The following SI variants were observed in gnomAD, a reference collection of about 807,000 sequenced individuals.
SI encodes the protein sucrase-isomaltase, intestinal.
Under a neutral mutation model 253.3 loss-of-function variants are expected in SI, and 235 were observed. That is an observed-to-expected ratio of 0.93 (90% CI 0.83 to 1.03). The LOEUF (loss-of-function observed/expected upper bound fraction) is 1.03. Ranked by LOEUF, SI falls within the 50% of genes least tolerant of loss-of-function variation. SI has a pLI of 0.00. For missense variants in SI, 2,442 were observed against 2,211.1 expected (o/e 1.10, Z -2.09); for synonymous variants, 819 against 712.0 (o/e 1.15, Z -2.39).
At chr3:165,057,493 C>T (rs1713753142) in intron 12 of SI, among the ~76,000 whole-genome samples, 1 of 151,866 alleles carries the variant, frequency 6.6e-6, no homozygotes, top group African/African-American at 2.4e-5. Flanking sequence ...AGATATAGAA[C>T]ACCAAGCAGA....
intron 15 of SI, among the ~76,000 whole-genome samples, chr3:165,048,567 G>GTGTA (rs1344341326): frequency 8.1e-6 from 1 of 123,848 alleles, no homozygotes; most frequent in African/African-American, 3.0e-5. Context: ...ATATATATAT[G>GTGTA]TATATATATA....
At chr3:164,989,752 TA>T (rs1717641589) in intron 44 of SI, among the ~76,000 whole-genome samples, 1 of 152,256 alleles carries the variant, frequency 6.6e-6, no homozygotes, top group East Asian at 1.9e-4. Context: ...TATTCAGTGC[TA>T]AAAAGAAATG....
chr3:165,024,862 A>T (rs1711821427), intron 25 of SI, among the ~76,000 whole-genome samples: 1 of 151,140 alleles, frequency 6.6e-6, no homozygotes. Context: ...ACTCACTCTA[A>T]CTAGGCTTTT....
At chr3:164,986,886 T>A (rs1173732108) in intron 45 of SI, among the ~76,000 whole-genome samples, 1 of 152,198 alleles carries the variant, frequency 6.6e-6, no homozygotes, top group African/African-American at 2.4e-5. Context: ...AGATACATAA[T>A]TCTGCCCACA....
At chr3:165,005,053 C>T (rs1718438302) in intron 37 of SI, among the ~76,000 whole-genome samples, 1 of 152,108 alleles carries the variant, frequency 6.6e-6, no homozygotes, top group Non-Finnish European at 1.5e-5. Flanking sequence ...TAAGATGCAC[C>T]TTGCTTCTCC....
chr3:165,065,858 A>C (rs1190550396), intron 6 of SI, among the ~76,000 whole-genome samples: 1 of 151,806 alleles, frequency 6.6e-6, no homozygotes, highest in South Asian at 2.1e-4. Context: ...CACACTTAAA[A>C]ATTAAGTTTG....
chr3:164,998,504 C>A, intron 38 of SI, 36 bp downstream of exon 38: 2 of 1,608,050 alleles, frequency 1.2e-6, no homozygotes, highest in African/African-American at 1.3e-5. Flanking sequence ...TAATAGAAAA[C>A]ACAAAATAAT....
chr3:165,006,055 G>A (rs1045546305), intron 37 of SI, among the ~76,000 whole-genome samples: 2 of 152,112 alleles, frequency 1.3e-5, no homozygotes, highest in African/African-American at 4.8e-5. Flanking sequence ...ATTAATATTT[G>A]AGAAGTTCAT....
intron 45 of SI, among the ~76,000 whole-genome samples, chr3:164,985,989 C>A (rs1438866869): frequency 6.6e-6 from 1 of 151,906 alleles, no homozygotes; most frequent in African/African-American, 2.4e-5. Flanking sequence ...AAGCCTAGAT[C>A]TAAATTAAAA....
chr3:165,023,833 C>T, intron 25 of SI, 57 bp from the exon 26 acceptor site: 1 of 1,249,818 alleles, frequency 8.0e-7, no homozygotes, highest in Non-Finnish European at 1.2e-6. Flanking sequence ...ATATTTTACT[C>T]TTTAAAATTA....
intron 43 of SI, 55 bp from the exon 44 acceptor site, chr3:164,991,532 A>AAC (rs1473987527): frequency 7.6e-6 from 12 of 1,581,318 alleles, no homozygotes; most frequent in Non-Finnish European, 1.0e-5. Flanking sequence ...AATCATCAGC[A>AAC]ACACTGGTAG....
At chr3:165,057,262 G>A (rs1713741837) in intron 12 of SI, among the ~76,000 whole-genome samples, 1 of 151,714 alleles carries the variant, frequency 6.6e-6, no homozygotes, top group African/African-American at 2.4e-5. Flanking sequence ...TAGTGAGCTT[G>A]AAGACAAGCT....
In SI at chr3:165,019,711, C is replaced by A. The variant is rs763490929; in HGVS notation, c.3314G>T (p.Arg1105Leu). Residue 1105 changes from arginine to leucine, a missense_variant, in exon 28 of 48, where the codon CGC becomes CTC. Arg to Leu is a moderately radical substitution (Grantham distance 102). Coordinates refer to ENST00000264382, the MANE Select transcript of SI (RefSeq NM_001041.4). ...FNDQFIQIST[R>L]LPSEYIYGFG... ...ACCATATATATATTCTGATGGCAGG[C>A]GAGTCGATATTTGAATGAACTGGTC... 2.5e-6 allele frequency: 4 copies of A among 1,612,402 alleles called. No individual in the cohort carries two copies. The highest frequency in any genetic ancestry group is 3.4e-6 in the Non-Finnish European group (4 of 1,178,928).
chr3:165,019,879 C>T (rs1719225664), intron 27 of SI, 109 bp from the exon 28 acceptor site: 2 of 1,009,438 alleles, frequency 2.0e-6, no homozygotes, highest in Non-Finnish European at 1.5e-6. Flanking sequence ...ATATTATTTT[C>T]CATATTCCTA....
Position 164,982,984 on chromosome 3 carries a change from A to G in SI, c.5247+18T>C, listed in dbSNP as rs757525803. On this transcript the variant is annotated intron_variant, in intron 46 of 47. Transcript: ENST00000264382. ...CAAATATTCCTTAACAGAATTGCATATAAATAATCTTACATACCTGGTTTA... is the reference window on the plus strand; with the variant it reads ...CAAATATTCCTTAACAGAATTGCATGTAAATAATCTTACATACCTGGTTTA... The G allele has an allele frequency of 1.3e-6, 2 of 1,551,932 alleles. No individual in the cohort carries two copies. Among genetic ancestry groups the G allele is most frequent in the Admixed American group, 1.7e-5 (1 of 57,860 alleles).
chr3:164,998,644 CCT>C lies in SI; in HGVS notation c.4434_4435del (p.Gly1479AspfsTer11). On this transcript the variant is annotated frameshift_variant, in exon 38 of 48. Coordinates refer to ENST00000264382, the MANE Select transcript of SI (RefSeq NM_001041.4). LOFTEE classifies it high-confidence loss of function. ...ATACGTGGAACGAGAAATTACAATC[CCT>C]CTTTTTCCAGTTGTCTTCTGCAATG... is the stretch of plus-strand genomic sequence containing the variant. 1 of 1,611,490 alleles carries C rather than the reference CCT, an allele frequency of 6.2e-7. No individual in the cohort carries two copies. The highest frequency in any genetic ancestry group is 1.7e-5 in the Admixed American group (1 of 59,740).
intron 25 of SI, 124 bp from the exon 26 acceptor site, chr3:165,023,900 A>G (rs1711764155): frequency 1.4e-6 from 1 of 735,118 alleles, no homozygotes; most frequent in Non-Finnish European, 2.4e-6. Flanking sequence ...ACAAAAATGA[A>G]ATAACAGTTA....
At chr3:165,009,089 C>G (rs1718650261) in intron 35 of SI, among the ~76,000 whole-genome samples, 190 bp downstream of exon 35, 1 of 152,016 alleles carries the variant, frequency 6.6e-6, no homozygotes, top group Non-Finnish European at 1.5e-5. Context: ...GAAATAGCAT[C>G]CATACACATA....
At chr3:165,035,298 G>A (rs570852789) in intron 22 of SI, among the ~76,000 whole-genome samples, 1 of 152,034 alleles carries the variant, frequency 6.6e-6, no homozygotes, top group East Asian at 1.9e-4. Flanking sequence ...AAAAGACAGA[G>A]AATATTTATA....
Sources: allele counts gnomAD v4.1 joint callset (sites outside exome capture counted in the v4.1 genomes callset), GRCh38; gene constraint gnomAD v4.1.1; transcripts MANE v1.5; gene names NCBI Gene and HGNC (gene_info 2026-07-23, HGNC 2026-07-21).